Variants in FAM178B observed in about 807,000 individuals in gnomAD.
The protein encoded by FAM178B is protein FAM178B.
A neutral mutation model predicts 91.7 loss-of-function variants in FAM178B; 82 were observed. The ratio of observed to expected loss-of-function variants is 0.89; its 90% CI spans 0.75 to 1.07. FAM178B has a LOEUF of 1.07. Ranked by LOEUF, FAM178B falls within the 50% of genes least tolerant of loss-of-function variation. The pLI is 0.00. For missense variants in FAM178B, 769 were observed against 846.7 expected (o/e 0.91, Z 1.14); for synonymous variants, 368 against 359.4 (o/e 1.02, Z -0.27).
chr2:96,960,615 G>A (rs181004962), intron 5 of FAM178B, among the ~76,000 whole-genome samples, 175 bp from the exon 6 acceptor site: 198 of 152,294 alleles, frequency 1.3e-3, no homozygotes, highest in African/African-American at 4.4e-3. Flanking sequence ...ACCTAGGCAC[G>A]CAGGAGCCCT....
chr2:96,958,035 T>C (rs958811023), intron 6 of FAM178B, among the ~76,000 whole-genome samples: 5 of 152,082 alleles, frequency 3.3e-5, no homozygotes, highest in African/African-American at 4.8e-5. Flanking sequence ...ATTGGAATGT[T>C]TGGACATTGT....
At position 96,877,990 on chromosome 2, in the gene FAM178B, A is replaced by G; in HGVS notation, c.1907T>C (p.Ile636Thr). 1 of 1,613,314 alleles carries G rather than the reference A, an allele frequency of 6.2e-7. No homozygotes were observed. The highest frequency in any genetic ancestry group is 8.5e-7 in the Non-Finnish European group (1 of 1,180,020). Residue 636 changes from isoleucine to threonine, a missense_variant, in exon 16 of 17, where the codon ATC (isoleucine) becomes ACC (threonine). Transcript: ENST00000490605. ...GTGCATGGCCTGGGGGCTCTCCCGG[A>G]TCTGCGTGCTGATGTGGCGGTCCAA... is the stretch of plus-strand genomic sequence containing the variant. ...MQLDRHISTQ[I>T]RESPQAMHRT...
intron 6 of FAM178B, among the ~76,000 whole-genome samples, chr2:96,957,989 T>C (rs2082023922): frequency 6.6e-6 from 1 of 151,950 alleles, no homozygotes. Flanking sequence ...ATCAATGTAA[T>C]AAAGTATTAG....
intron 4 of FAM178B, among the ~76,000 whole-genome samples, chr2:96,968,666 C>T (rs1053878176): frequency 8.4e-5 from 12 of 142,062 alleles, no homozygotes; most frequent in African/African-American, 2.9e-4. Flanking sequence ...CCCCATCACC[C>T]TCCTCCCAGG....
At chr2:96,880,391 T>C (rs2080350194) in intron 14 of FAM178B, among the ~76,000 whole-genome samples, 1 of 151,312 alleles carries the variant, frequency 6.6e-6, no homozygotes, top group Admixed American at 6.6e-5. Flanking sequence ...GGCAGAGTTG[T>C]GGGAACAGGC....
At chr2:96,893,110 T>C (rs2080722441) in intron 14 of FAM178B, among the ~76,000 whole-genome samples, 1 of 152,204 alleles carries the variant, frequency 6.6e-6, no homozygotes, top group Non-Finnish European at 1.5e-5. Context: ...TGGACTTCTG[T>C]ATCAACATCC....
chr2:96,903,992 C>G (rs371951332), intron 12 of FAM178B, among the ~76,000 whole-genome samples: 1 of 152,146 alleles, frequency 6.6e-6, no homozygotes, highest in African/African-American at 2.4e-5. Flanking sequence ...AGAGCCAACA[C>G]GAGCTGGGGC....
chr2:96,883,236 C>T (rs1349762029), intron 14 of FAM178B, among the ~76,000 whole-genome samples: 3 of 152,204 alleles, frequency 2.0e-5, no homozygotes, highest in African/African-American at 4.8e-5. Flanking sequence ...ACTCCCAAGT[C>T]AACTAGGAGC....
intron 1 of FAM178B, among the ~76,000 whole-genome samples, chr2:96,984,833 AG>A (rs1249868681): frequency 6.6e-6 from 1 of 152,224 alleles, no homozygotes; most frequent in African/African-American, 2.4e-5. Context: ...AAAAGGGTGC[AG>A]GCTGAGGTGG....
chr2:96,972,012 G>T lies in FAM178B; in HGVS notation c.453C>A (p.Pro151=). The T allele has an allele frequency of 6.4e-7, 1 of 1,554,672 alleles. No homozygotes were observed. The highest frequency in any genetic ancestry group is 8.7e-7 in the Non-Finnish European group (1 of 1,149,548). Residue 151 remains proline (P), a synonymous_variant, in exon 3 of 17, where the codon CCC becomes CCA. Transcript: ENST00000490605. ...CCAGGTGTTCCTGCTCCAACTCCTC[G>T]GGCAGCTCACCAGCCAGTCTCCTCA... ...QGLRRLAGEL[P]EELEQEHLDL...
intron 7 of FAM178B, among the ~76,000 whole-genome samples, chr2:96,950,472 T>C (rs1245213798): frequency 6.6e-6 from 1 of 152,200 alleles, no homozygotes; most frequent in Non-Finnish European, 1.5e-5. Flanking sequence ...GCAGCCAGCC[T>C]GCCGAGGCCA....
At position 96,972,245 on chromosome 2, in the gene FAM178B, C is replaced by A; in HGVS notation, c.220G>T (p.Gly74Trp). The part of the protein sequence containing the change: ...DGLSDHPLDQ[G>W]PRCPARRPCS... The stretch of plus-strand genomic sequence containing the variant: ...GGCCGCCGGGCAGGGCAGCGGGGCC[C>A]CTGGTCCAGGGGATGGTCTGACAAG... Residue 74 changes from glycine (G) to tryptophan (W), a missense_variant, in exon 3 of 17, where the codon GGG (glycine) becomes TGG (tryptophan). Physicochemically the swap from Gly to Trp is radical, Grantham distance 184 (BLOSUM62 -2). Transcript: ENST00000490605. The A allele has an allele frequency of 6.6e-7, 1 of 1,519,084 alleles. No individual in the cohort carries two copies. The highest frequency in any genetic ancestry group is 1.3e-5 in the South Asian group (1 of 78,734). 94.1% of individuals were successfully genotyped at this position (1,519,084 alleles called of 1,614,324 possible).
chr2:96,893,596 A>G (rs57729589), intron 14 of FAM178B, among the ~76,000 whole-genome samples: 3 of 151,854 alleles, frequency 2.0e-5, no homozygotes, highest in African/African-American at 7.3e-5. Context: ...CCTGGCATCC[A>G]GCTCCTGCAT....
intron 4 of FAM178B, 114 bp downstream of exon 4, chr2:96,970,602 G>T: frequency 2.6e-6 from 2 of 777,220 alleles, no homozygotes; most frequent in South Asian, 1.6e-5. Context: ...CACAGGGCAG[G>T]CTGAGTCTGG....
intron 9 of FAM178B, among the ~76,000 whole-genome samples, chr2:96,924,943 C>T (rs375577782): frequency 1.3e-5 from 2 of 152,132 alleles, no homozygotes; most frequent in East Asian, 1.9e-4. Context: ...GATCTGTCTC[C>T]GAGGTACCAG....
chr2:96,941,218 T>C (rs553543610), intron 8 of FAM178B, among the ~76,000 whole-genome samples: 1 of 152,364 alleles, frequency 6.6e-6, no homozygotes, highest in African/African-American at 2.4e-5. Flanking sequence ...AGACTTTCAC[T>C]CTTTATTTTG....
intron 14 of FAM178B, among the ~76,000 whole-genome samples, chr2:96,893,566 T>C (rs370835663): frequency 4.9e-4 from 75 of 152,140 alleles, no homozygotes; most frequent in African/African-American, 1.7e-3. Flanking sequence ...GCGCTTATCC[T>C]GATGTGCTCC....
chr2:96,953,683 A>C (rs1422120519), intron 6 of FAM178B, among the ~76,000 whole-genome samples: 2 of 152,206 alleles, frequency 1.3e-5, no homozygotes, highest in African/African-American at 4.8e-5. Context: ...CCCTGAGGTG[A>C]CTGGCTTTCA....
At chr2:96,979,343 G>T (rs1796050) in intron 1 of FAM178B, among the ~76,000 whole-genome samples, 1 of 145,034 alleles carries the variant, frequency 6.9e-6, no homozygotes, top group Admixed American at 7.0e-5. Flanking sequence ...GCAGTGGTAC[G>T]ATCTTCACTC....
Sources: allele counts gnomAD v4.1 joint callset (sites outside exome capture counted in the v4.1 genomes callset), GRCh38; gene constraint gnomAD v4.1.1; transcripts MANE v1.5; gene names NCBI Gene and HGNC (gene_info 2026-07-23, HGNC 2026-07-21).